MUC5AC: variants seen among roughly 807,000 people sequenced by gnomAD.
MUC5AC encodes the protein mucin 5AC, oligomeric mucus/gel-forming, also known as mucin-5AC.
In MUC5AC, 158 loss-of-function variants were observed where a neutral mutation model predicts 169.7. The observed-to-expected ratio is 0.93, with a 90% CI of 0.82 to 1.06. MUC5AC has a LOEUF of 1.06. MUC5AC is among the 50% of genes least tolerant of loss of function. The pLI, the probability that MUC5AC is intolerant of heterozygous loss-of-function variation, is 0.00. For missense variants in MUC5AC, 4,359 were observed against 3,089.9 expected, an observed-to-expected ratio of 1.41 and a Z score of -9.74; for synonymous variants, 1,975 against 1,237.0, an observed-to-expected ratio of 1.60 and a Z score of -12.52.
intron 16 of MUC5AC, 35 bp from the exon 17 acceptor site, chr11:1,174,461 G>T: frequency 1.5e-6 from 2 of 1,320,082 alleles, no homozygotes; most frequent in South Asian, 2.6e-5. Context: ...TGTGGGCTGG[G>T]GTCTCTGATG....
Position 1,181,463 on chromosome 11 carries a change from A to G in MUC5AC, c.4009+4A>G. 2.8e-6 allele frequency: 1 copy of G among 352,478 alleles called. No individual in the cohort carries two copies. The highest frequency in any genetic ancestry group is 4.8e-6 in the Non-Finnish European group (1 of 206,214). The allele number at this position is 352,478 out of a possible 1,614,324, so 21.8% of individuals were successfully genotyped here. On this transcript the variant is annotated splice_donor_region_variant and intron_variant, in intron 30 of 48. Transcript: ENST00000621226. ...TCCTTCTCCACACCCCCGCTTGGTA[A>G]GGCAAATGTGGCCGAGGAGCCCCAG...
chr11:1,160,923 G>A (rs1375965678), intron 2 of MUC5AC, among the ~76,000 whole-genome samples: 3 of 152,232 alleles, frequency 2.0e-5, no homozygotes, highest in Non-Finnish European at 4.4e-5. Context: ...GCTGCAGGGC[G>A]GGGCAGATTT....
chr11:1,160,834 C>A (rs1860121870), intron 2 of MUC5AC, 145 bp downstream of exon 2: 3 of 786,566 alleles, frequency 3.8e-6, no homozygotes, highest in Middle Eastern at 5.0e-4. Flanking sequence ...GGAGGACACC[C>A]CCACATCCAT....
intron 15 of MUC5AC, among the ~76,000 whole-genome samples, chr11:1,171,425 CACTCAACTT>C (rs1860527755): frequency 7.7e-6 from 1 of 129,314 alleles, no homozygotes; most frequent in Non-Finnish European, 1.6e-5. Flanking sequence ...CTCACTCACT[CACTCAACTT>C]ACTCACCCAC....
intron 30 of MUC5AC, 142 bp downstream of exon 30, chr11:1,181,601 G>C: frequency 2.5e-6 from 1 of 397,604 alleles, no homozygotes; most frequent in East Asian, 3.6e-5. Flanking sequence ...GAGGAGCAGG[G>C]AGTCGGGCTC....
At chr11:1,193,406 G>T in intron 32 of MUC5AC, 79 bp from the exon 33 acceptor site, 1 of 651,650 alleles carries the variant, frequency 1.5e-6, no homozygotes, top group Non-Finnish European at 2.8e-6. Flanking sequence ...CGGGACTCTC[G>T]GGACTGTGAC....
In MUC5AC at chr11:1,194,606, C is replaced by T. The variant is rs570748415; in HGVS notation, c.15126C>T (p.Ser5042=). 7.5e-5 allele frequency: 57 copies of T among 764,580 alleles called. No individual in the cohort carries two copies. Among genetic ancestry groups the T allele is most frequent in the Admixed American group, 8.5e-5 (5 of 58,974 alleles). The allele number at this position is 764,580 out of a possible 1,614,324, so 47.4% of individuals were successfully genotyped here. Residue 5042 remains serine, a synonymous_variant, in exon 35 of 49, where the codon TCC becomes TCT. Coordinates refer to ENST00000621226, the MANE Select transcript of MUC5AC (RefSeq NM_001304359.2). ...AGCTGGGAGTCCAGGTCATGTTCTCCGGCCTCATCTTCTCCGTGGAGGTGC... is the reference window on the plus strand; with the variant it reads ...AGCTGGGAGTCCAGGTCATGTTCTCTGGCCTCATCTTCTCCGTGGAGGTGC... ...IPELGVQVMF[S]GLIFSVEVPF...
Position 1,186,446 on chromosome 11 carries a change from G to A in MUC5AC, c.8301G>A (p.Ala2767=), listed in dbSNP as rs1212372525. 7.1e-5 allele frequency: 43 copies of A among 605,146 alleles called. No individual in the cohort carries two copies. The highest frequency in any genetic ancestry group is 8.9e-5 in the Non-Finnish European group (30 of 336,916). The allele number at this position is 605,146 out of a possible 1,614,324, so 37.5% of individuals were successfully genotyped here. A position where few individuals can be genotyped will look rare whatever the true frequency, so the allele number is the denominator to read the frequency against. The change falls in exon 31 of 49, where the codon GCG becomes GCA. Residue 2767 remains alanine (A), a synonymous_variant. Transcript: ENST00000621226. The part of the protein sequence containing the change: ...ISASTTSTTS[A]TTTSTTSATT... The stretch of plus-strand genomic sequence containing the variant: ...CCTCTACCACCAGCACAACCTCTGC[G>A]ACTACAACCAGCACAACCTCTGCTA...
chr11:1,174,477 A>G lies in MUC5AC; in HGVS notation c.1966-19A>G. On this transcript the variant is annotated intron_variant, in intron 16 of 48. Transcript: ENST00000621226. Reference sequence around the variant, plus strand: ...GTGGGCTGGGGTCTCTGATGCCCCGATGACCCCCTTCCCTGCAGAACTGCA... The same window carrying G: ...GTGGGCTGGGGTCTCTGATGCCCCGGTGACCCCCTTCCCTGCAGAACTGCA... 2.7e-6 allele frequency: 4 copies of G among 1,468,094 alleles called. No individual in the cohort carries two copies. Among genetic ancestry groups the G allele is most frequent in the Non-Finnish European group, 3.7e-6 (4 of 1,084,420 alleles). 90.9% of individuals were successfully genotyped at this position (1,468,094 alleles called of 1,614,324 possible).
intron 41 of MUC5AC, 116 bp downstream of exon 41, chr11:1,197,755 C>T (rs933300152): frequency 2.9e-5 from 18 of 628,870 alleles, no homozygotes; most frequent in African/African-American, 1.1e-4. Context: ...CCTACGAGGG[C>T]GTCCCCTCCT....
chr11:1,191,286 C>T lies in MUC5AC; in HGVS notation c.13141C>T (p.Pro4381Ser), dbSNP rs1475596225. 1.3e-6 allele frequency: 1 copy of T among 745,538 alleles called. No individual in the cohort carries two copies. The highest frequency in any genetic ancestry group is 2.4e-6 in the Non-Finnish European group (1 of 409,292). The allele number at this position is 745,538 out of a possible 1,614,324, so 46.2% of individuals were successfully genotyped here. The change falls in exon 31 of 49, where the codon CCC (proline) becomes TCC (serine). Residue 4381 changes from proline (P) to serine (S), a missense_variant. Transcript: ENST00000621226. ...SGPGTTPSPV[P>S]TTSTTSAPTT... ...TCCTGGAACTACTCCCAGCCCTGTT[C>T]CCACCACCAGCACAACCTCTGCTCC...
At position 1,199,140 on chromosome 11, in the gene MUC5AC, C is replaced by T. The variant is rs530970402; in HGVS notation, c.16350C>T (p.Val5450=). Residue 5450 remains valine, a synonymous_variant, in exon 45 of 49, where the codon GTC becomes GTT. Transcript: ENST00000621226. Reference sequence around the variant, plus strand: ...AGTGCTGTGGCACCTGTGTGCAGGTCGCCTGTGTCACCAACACCAGCAAGA... The same window carrying T: ...AGTGCTGTGGCACCTGTGTGCAGGTTGCCTGTGTCACCAACACCAGCAAGA... ...SGQCCGTCVQ[V]ACVTNTSKSP... 2.4e-5 allele frequency: 18 copies of T among 764,698 alleles called. No homozygotes were observed. The highest frequency in any genetic ancestry group is 1.0e-4 in the Admixed American group (6 of 58,970). 47.4% of individuals were successfully genotyped at this position (764,698 alleles called of 1,614,324 possible).
At chr11:1,196,819 C>A in intron 39 of MUC5AC, 58 bp from the exon 40 acceptor site, 1 of 749,050 alleles carries the variant, frequency 1.3e-6, no homozygotes, top group Non-Finnish European at 2.4e-6. Flanking sequence ...TGGGACCCTG[C>A]CTCTCGCCCC....
Position 1,199,357 on chromosome 11 carries a change from T to C in MUC5AC, c.16396-14T>C. The C allele has an allele frequency of 1.4e-6, 1 of 707,150 alleles. No homozygotes were observed. The highest frequency in any genetic ancestry group is 2.6e-6 in the Non-Finnish European group (1 of 387,902). The allele number at this position is 707,150 out of a possible 1,614,324, so 43.8% of individuals were successfully genotyped here. On this transcript the variant is annotated splice_polypyrimidine_tract_variant and intron_variant, in intron 45 of 48. Coordinates refer to ENST00000621226, the MANE Select transcript of MUC5AC (RefSeq NM_001304359.2). ...AGGGAGGGTCACTCACCCCGGGGCC[T>C]GGCCTCCCTCCAGCCCGGCGAGACC...
rs1199986115 is a variant in MUC5AC, at chr11:1,187,532, C to T, written c.9387C>T (p.Thr3129=). The change falls in exon 31 of 49, where the codon ACC becomes ACT. Residue 3129 remains threonine, a synonymous_variant. Transcript: ENST00000621226. The stretch of plus-strand genomic sequence containing the variant: ...GAACTACTCCCAGCCCTATTCCTAC[C>T]ACCAGCACAACCTCTCCTCCTACAA... ...GLGTTPSPIP[T]TSTTSPPTTS... is the part of the protein sequence containing the mutation. 3 of 748,692 alleles carry T rather than the reference C, an allele frequency of 4.0e-6. No individual in the cohort carries two copies. Among genetic ancestry groups the T allele is most frequent in the Non-Finnish European group, 7.3e-6 (3 of 410,172 alleles). The allele number at this position is 748,692 out of a possible 1,614,324, so 46.4% of individuals were successfully genotyped here.
At chr11:1,197,117 T>C (rs1164227511) in intron 40 of MUC5AC, among the ~76,000 whole-genome samples, 1 of 152,140 alleles carries the variant, frequency 6.6e-6, no homozygotes, top group East Asian at 1.9e-4. Context: ...TCTGTCCGTA[T>C]TGGGGACGGT....
chr11:1,173,794 A>T (rs1471113992), intron 16 of MUC5AC, among the ~76,000 whole-genome samples: 1 of 135,612 alleles, frequency 7.4e-6, no homozygotes, highest in East Asian at 2.0e-4. Flanking sequence ...TCACTCGCTC[A>T]TTCCCTCATT....
At chr11:1,164,581 G>C in intron 9 of MUC5AC, 49 bp downstream of exon 9, 1 of 1,562,672 alleles carries the variant, frequency 6.4e-7, no homozygotes, top group Non-Finnish European at 8.6e-7. Flanking sequence ...CGACAACTAG[G>C]GGGCTGTGCT....
intron 2 of MUC5AC, 53 bp from the exon 3 acceptor site, chr11:1,161,474 C>G (rs1349657080): frequency 2.1e-6 from 3 of 1,436,656 alleles, no homozygotes; most frequent in Non-Finnish European, 1.9e-6. Context: ...GGCTGCGGAG[C>G]CCCCGCCCCA....
Sources: allele counts gnomAD v4.1 joint callset (sites outside exome capture counted in the v4.1 genomes callset), GRCh38; gene constraint gnomAD v4.1.1; transcripts MANE v1.5; gene names NCBI Gene and HGNC (gene_info 2026-07-23, HGNC 2026-07-21).